FDFT1: variants seen among roughly 807,000 people sequenced by gnomAD.
The protein encoded by FDFT1 is farnesyl-diphosphate farnesyltransferase 1.
FDFT1 carries 68 observed loss-of-function variants against 46.8 expected under a neutral mutation model. The observed-to-expected ratio is 1.45, with a 90% confidence interval of 1.19 to 1.78. FDFT1 has a LOEUF of 1.78. Ranked by LOEUF, FDFT1 falls within the 40% of genes most tolerant of loss-of-function variation. The probability of loss-of-function intolerance (pLI) is 0.00; values close to 1 mark genes in which losing one functional copy is unlikely to be tolerated. For missense variants in FDFT1, 928 were observed against 524.4 expected, an observed-to-expected ratio of 1.77 and a Z score of -7.52; for synonymous variants, 351 against 185.1, an observed-to-expected ratio of 1.90 and a Z score of -7.28.
rs200967001 is a variant in FDFT1, at chr8:11,838,560, C to T, written c.1205C>T (p.Thr402Ile). 53 of 1,613,474 alleles carry T rather than the reference C, an allele frequency of 3.3e-5. No homozygotes were observed. Among genetic ancestry groups the T allele is most frequent in the Non-Finnish European group, 4.4e-5 (52 of 1,179,816 alleles). The change falls in exon 8 of 8, where the codon ACC becomes ATC. Residue 402 changes from threonine (T) to isoleucine (I), a missense_variant. Physicochemically the swap from Thr to Ile is moderately conservative, Grantham distance 89. Coordinates refer to ENST00000220584, the MANE Select transcript of FDFT1 (RefSeq NM_004462.5). The stretch of plus-strand genomic sequence containing the variant: ...GCTGCCCTGAGCTGGCAGTACCTGA[C>T]CACTCTCTCCCAGGTAACAGAAGAC... ...LLAALSWQYLTTLSQVTEDYV... is the reference protein window; with the variant it reads ...LLAALSWQYLITLSQVTEDYV...
rs1344712468 is a variant in FDFT1, at chr8:11,802,993, C to T, written c.99+62C>T. 3.2e-6 allele frequency: 5 copies of T among 1,542,794 alleles called. No homozygotes were observed. The Admixed American group carries it at 5.9e-5, about 18-fold the overall frequency. Reference sequence around the variant, plus strand: ...GGAGCTCGCTGGGCCGGCCTCAGGGCCTGAGCGGCCGGGCCCGGATCTGGG... The same window carrying T: ...GGAGCTCGCTGGGCCGGCCTCAGGGTCTGAGCGGCCGGGCCCGGATCTGGG... On this transcript the variant is annotated intron_variant, in intron 1 of 7. Transcript: ENST00000220584.
chr8:11,809,319 T>G, intron 2 of FDFT1: 3 of 1,090,896 alleles, frequency 2.8e-6, no homozygotes, highest in Non-Finnish European at 3.3e-6. Flanking sequence ...TACTGAGAAG[T>G]TACTGTGTTT....
upstream of FDFT1, chr8:11,802,629 C>G: frequency 1.7e-6 from 1 of 594,426 alleles, no homozygotes; most frequent in Non-Finnish European, 3.0e-6. Context: ...CCCGTCAGCC[C>G]ACCCCACGAG....
At chr8:11,813,898 G>C (rs1190068667) in intron 3 of FDFT1, among the ~76,000 whole-genome samples, 1 of 147,314 alleles carries the variant, frequency 6.8e-6, no homozygotes, top group African/African-American at 2.6e-5. Flanking sequence ...AGTCAGGAAA[G>C]CCCTGTCCAT....
intron 1 of FDFT1, among the ~76,000 whole-genome samples, chr8:11,796,553 G>C (rs978396068): frequency 3.3e-5 from 5 of 152,218 alleles, no homozygotes; most frequent in African/African-American, 9.6e-5. Flanking sequence ...TCCGAGGCAG[G>C]CAGGGGAGTG....
chr8:11,838,411 A>T lies in FDFT1; in HGVS notation c.1056A>T (p.Ser352=). Residue 352 remains serine (S), a synonymous_variant, in exon 8 of 8, where the codon TCA becomes TCT. Transcript: ENST00000220584. ...MEEIYHRIPD[S]DPSSSKTRQI... ...AGATTTATCATAGAATCCCCGACTC[A>T]GACCCATCTTCTAGCAAAACAAGGC... 1.2e-6 allele frequency: 2 copies of T among 1,613,782 alleles called. No homozygotes were observed. The highest frequency in any genetic ancestry group is 8.5e-7 in the Non-Finnish European group (1 of 1,179,786).
rs185038973 is a variant in FDFT1 at position 11,803,329 on chromosome 8, C to G, written c.99+398C>G. ...GCGGAATGAACTATGCAGATAACAT[C>G]ACATGAAGGCCGTTTCTGGAATGAA... On this transcript the variant is annotated intron_variant, in intron 1 of 7. Transcript: ENST00000220584. 15 of 1,294,444 alleles carry G rather than the reference C, an allele frequency of 1.2e-5. No homozygotes were observed. In the Admixed American group the frequency reaches 2.7e-4, roughly 24 times the overall value. 80.2% of individuals were successfully genotyped at this position (1,294,444 alleles called of 1,614,324 possible).
intron 5 of FDFT1, among the ~76,000 whole-genome samples, chr8:11,828,423 C>T (rs766256364): frequency 3.3e-5 from 5 of 152,240 alleles, no homozygotes; most frequent in African/African-American, 4.8e-5. Flanking sequence ...CTTTTGCAGA[C>T]ACAGGGCTCA....
intron 7 of FDFT1, among the ~76,000 whole-genome samples, chr8:11,835,556 T>C (rs962464888): frequency 6.6e-6 from 1 of 152,218 alleles, no homozygotes; most frequent in Non-Finnish European, 1.5e-5. Flanking sequence ...CTTGGAGTTC[T>C]CTAAAAGGGT....
At chr8:11,828,361 C>G (rs947681858) in intron 5 of FDFT1, among the ~76,000 whole-genome samples, 1 of 152,194 alleles carries the variant, frequency 6.6e-6, no homozygotes, top group Non-Finnish European at 1.5e-5. Flanking sequence ...TTTAAGTTTC[C>G]TAGGTGACTC....
At chr8:11,810,000 T>TC in intron 3 of FDFT1, 150 bp downstream of exon 3, 1 of 580,780 alleles carries the variant, frequency 1.7e-6, no homozygotes, top group Non-Finnish European at 2.9e-6. Context: ...TAGCCAAGAC[T>TC]CTGAAGCCAG....
At chr8:11,796,947 C>T (rs1563281129) in intron 1 of FDFT1, among the ~76,000 whole-genome samples, 2 of 152,228 alleles carry the variant, frequency 1.3e-5, no homozygotes. Context: ...GTGCTGAAAG[C>T]AGCTCAGGGC....
intron 3 of FDFT1, among the ~76,000 whole-genome samples, chr8:11,812,419 CAAAT>C (rs1286473520): frequency 4.6e-5 from 7 of 152,128 alleles, no homozygotes; most frequent in African/African-American, 9.7e-5. Context: ...GATATCCTCT[CAAAT>C]GAATGTGAGG....
At chr8:11,825,876 A>G in intron 4 of FDFT1, 148 bp from the exon 5 acceptor site, 1 of 450,004 alleles carries the variant, frequency 2.2e-6, no homozygotes, top group Non-Finnish European at 4.0e-6. Flanking sequence ...TGTTTTTTAA[A>G]TCCTGGTATG....
chr8:11,839,076 A>G lies in FDFT1; in HGVS notation c.*467A>G, dbSNP rs1811971849. ...ATTGGGTTGAATGGAGTAGATAGAAATATTTATGGTTTAGGTAACAGTTAG... is the reference window on the plus strand; with the variant it reads ...ATTGGGTTGAATGGAGTAGATAGAAGTATTTATGGTTTAGGTAACAGTTAG... On this transcript the variant is annotated 3_prime_UTR_variant, in exon 8 of 8. Coordinates refer to ENST00000220584, the MANE Select transcript of FDFT1 (RefSeq NM_004462.5). 1 of 161,620 alleles carries G rather than the reference A, an allele frequency of 6.2e-6. No homozygotes were observed. The highest frequency in any genetic ancestry group is 1.4e-5 in the Non-Finnish European group (1 of 73,118). The allele number at this position is 161,620 out of a possible 1,614,324, so 10.0% of individuals were successfully genotyped here.
At position 11,809,761 on chromosome 8, in the gene FDFT1, C is replaced by A. The variant is rs754425838; in HGVS notation, c.292C>A (p.His98Asn). ...ISVEKKVPLL[H>N]NFHSFLYQPD... ...TGTGGAAAAGAAGGTCCCGCTGTTA[C>A]ACAACTTTCACTCTTTCCTTTACCA... The change falls in exon 3 of 8, where the codon CAC becomes AAC. Residue 98 changes from histidine to asparagine, a missense_variant. Transcript: ENST00000220584. The A allele has an allele frequency of 3.7e-6, 6 of 1,613,966 alleles. No individual in the cohort carries two copies. Among genetic ancestry groups the A allele is most frequent in the South Asian group, 1.1e-5 (1 of 91,082 alleles).
At chr8:11,812,856 A>G (rs1585897892) in intron 3 of FDFT1, among the ~76,000 whole-genome samples, 1 of 152,210 alleles carries the variant, frequency 6.6e-6, no homozygotes, top group East Asian at 1.9e-4. Context: ...TAGAAATCTC[A>G]TTGTATGTTA....
chr8:11,822,828 G>C (rs568559279), intron 4 of FDFT1, among the ~76,000 whole-genome samples: 25 of 152,232 alleles, frequency 1.6e-4, no homozygotes, highest in African/African-American at 5.8e-4. Flanking sequence ...AGAAAATAAA[G>C]TTGAAGTTAA....
At chr8:11,837,571 G>A (rs1453943672) in intron 7 of FDFT1, among the ~76,000 whole-genome samples, 1 of 152,168 alleles carries the variant, frequency 6.6e-6, no homozygotes, top group African/African-American at 2.4e-5. Flanking sequence ...AGGTGGGCAA[G>A]GGCTGGTGAC....
Sources: allele counts gnomAD v4.1 joint callset (sites outside exome capture counted in the v4.1 genomes callset), GRCh38; gene constraint gnomAD v4.1.1; transcripts MANE v1.5; gene names NCBI Gene and HGNC (gene_info 2026-07-23, HGNC 2026-07-21).